Variants in UBXN11 observed in about 807,000 individuals in gnomAD.
The protein encoded by UBXN11 is UBX domain protein 11.
UBXN11 carries 47 observed loss-of-function variants against 62.8 expected under a neutral mutation model. The ratio of observed to expected loss-of-function variants is 0.75; its 90% CI spans 0.59 to 0.95. The LOEUF (loss-of-function observed/expected upper bound fraction) is 0.95. Among genes scored for constraint, UBXN11 ranks in the 40% least tolerant of loss-of-function variants. UBXN11 has a pLI of 0.00. For missense variants in UBXN11, 638 were observed against 661.7 expected (o/e 0.96, Z 0.39); for synonymous variants, 294 against 267.0 (o/e 1.10, Z -0.99).
rs199562689 is a variant in UBXN11, at chr1:26,285,837, C to T, written c.760G>A (p.Asp254Asn). ...ACCGCTCCTACCTGTGTGGAGGGAT[C>T]GTAGAAGGGCTGGAAGGGCCCGTCG... is the stretch of plus-strand genomic sequence containing the variant. ...MFDGPFQPFY[D>N]PSTQRCLRDI... Residue 254 changes from aspartate (D) to asparagine (N), a missense_variant, in exon 9 of 15, where the codon GAT becomes AAT. By Grantham distance (23) the Asp-to-Asn change is conservative. Transcript: ENST00000374222. 73 of 1,606,574 alleles carry T rather than the reference C, an allele frequency of 4.5e-5. No homozygotes were observed. The highest frequency in any genetic ancestry group is 5.5e-5 in the South Asian group (5 of 90,732).
At chr1:26,296,829 A>ATCTC in intron 7 of UBXN11, 90 bp downstream of exon 7, 2 of 1,336,004 alleles carry the variant, frequency 1.5e-6, no homozygotes, top group South Asian at 1.4e-5. Context: ...AGGCCCAGAG[A>ATCTC]GGTGGGCTCG....
intron 1 of UBXN11, among the ~76,000 whole-genome samples, chr1:26,317,616 A>T (rs1351507009): frequency 6.6e-6 from 1 of 152,176 alleles, no homozygotes; most frequent in Non-Finnish European, 1.5e-5. Context: ...GTAATCCGGC[A>T]GTTCTTTTGT....
rs71004579 is a variant in UBXN11, at chr1:26,293,752, A to AG, written c.559+452dup. On this transcript the variant is annotated intron_variant, in intron 8 of 14. Transcript: ENST00000374222. The stretch of plus-strand genomic sequence containing the variant: ...AAAAAAAAAAAAAAAAAAAAAAAAA[A>AG]GACATGGTAGGGGCCCACAGAACCA... Among the ~76,000 whole-genome samples, 403 of 148,624 alleles carry AG rather than the reference A, an allele frequency of 2.7e-3. 5 individuals carry two copies. The highest frequency in any genetic ancestry group is 5.0e-3 in the Non-Finnish European group (331 of 66,422).
At chr1:26,308,182 G>A (rs1273759658), upstream of UBXN11, among the ~76,000 whole-genome samples, 1 of 150,886 alleles carries the variant, frequency 6.6e-6, no homozygotes, top group East Asian at 1.9e-4. Context: ...CAGGAGAATC[G>A]CTTGAACCTG....
At chr1:26,289,529 G>C (rs1164731575) in intron 8 of UBXN11, among the ~76,000 whole-genome samples, 1 of 152,106 alleles carries the variant, frequency 6.6e-6, no homozygotes, top group African/African-American at 2.4e-5. Flanking sequence ...CTGGCCCAGA[G>C]TGGCTGGGCC....
intron 8 of UBXN11, among the ~76,000 whole-genome samples, chr1:26,288,430 C>T (rs1452398702): frequency 6.6e-6 from 1 of 152,046 alleles, no homozygotes; most frequent in Non-Finnish European, 1.5e-5. Context: ...GGAGATGAGA[C>T]CAGGGGCCAG....
intron 12 of UBXN11, among the ~76,000 whole-genome samples, chr1:26,283,464 C>T (rs1043731293): frequency 7.9e-5 from 12 of 152,272 alleles, no homozygotes; most frequent in Admixed American, 2.0e-4. Flanking sequence ...CAATATAGGA[C>T]GGGCCTTGAG....
chr1:26,297,164 G>A (rs1417424517), intron 6 of UBXN11, among the ~76,000 whole-genome samples, 169 bp from the exon 7 acceptor site: 1 of 152,088 alleles, frequency 6.6e-6, no homozygotes, highest in Non-Finnish European at 1.5e-5. Context: ...GCCTTGATGG[G>A]CCCTAGGAGG....
intron 3 of UBXN11, 139 bp downstream of exon 3, chr1:26,301,555 G>A (rs2073534446): frequency 8.2e-7 from 1 of 1,214,562 alleles, no homozygotes; most frequent in Non-Finnish European, 1.1e-6. Context: ...AGGACAGCAT[G>A]GGAGCTGCAC....
Position 26,283,906 on chromosome 1 carries a change from C to T in UBXN11, c.1077+236G>A, listed in dbSNP as rs535671127. ...TGGGGTGGCCTGGGCCTTGGGCTCA[C>T]CCCTGGCCTGGACTCTGACTTTAGC... On this transcript the variant is annotated intron_variant, in intron 12 of 14. Transcript: ENST00000374222. 1.2e-4 allele frequency among the ~76,000 whole-genome samples: 19 copies of T among 152,310 alleles called. No individual in the cohort carries two copies. The East Asian group carries it at 2.9e-3, about 23-fold the overall frequency.
chr1:26,314,209 T>C (rs2073769886), intron 1 of UBXN11, among the ~76,000 whole-genome samples: 1 of 152,228 alleles, frequency 6.6e-6, no homozygotes, highest in Non-Finnish European at 1.5e-5. Context: ...ATCTTTTGTA[T>C]AACTTTCTAT....
Position 26,300,986 on chromosome 1 carries a change from C to T in UBXN11, c.139G>A (p.Glu47Lys). The T allele has an allele frequency of 6.2e-7, 1 of 1,614,210 alleles. No individual in the cohort carries two copies. Among genetic ancestry groups the T allele is most frequent in the Non-Finnish European group, 8.5e-7 (1 of 1,180,024 alleles). The part of the protein sequence containing the change: ...VDMLSDGCGS[E>K]EKISVPSCYG... ...CAGGAAGGGACTGAGATCTTTTCTT[C>T]TGAGCCACACCCATCACTCAACATG... The change falls in exon 4 of 15, where the codon GAA becomes AAA. Residue 47 changes from glutamate to lysine, a missense_variant. Transcript: ENST00000374222.
At chr1:26,285,646 G>A (rs774451870) in intron 9 of UBXN11, 105 bp from the exon 10 acceptor site, 169 of 1,369,124 alleles carry the variant, frequency 1.2e-4, no homozygotes, top group African/African-American at 1.9e-4. Flanking sequence ...ACCCAGTGCC[G>A]CACTCTGGAA....
intron 8 of UBXN11, among the ~76,000 whole-genome samples, chr1:26,293,674 C>T (rs574679225): frequency 2.5e-5 from 3 of 120,662 alleles, no homozygotes; most frequent in Non-Finnish European, 4.8e-5. Context: ...TGCAATGAGC[C>T]AAATCGTGCC....
intron 3 of UBXN11, 155 bp from the exon 4 acceptor site, chr1:26,301,179 GA>G: frequency 7.1e-7 from 1 of 1,416,578 alleles, no homozygotes; most frequent in Non-Finnish European, 9.4e-7. Context: ...GATCCAACCA[GA>G]ATGGGGCTGT....
upstream of UBXN11, among the ~76,000 whole-genome samples, chr1:26,311,365 C>T (rs1019640994): frequency 1.3e-5 from 2 of 151,584 alleles, no homozygotes; most frequent in Non-Finnish European, 2.9e-5. Context: ...TGGTCTTGAA[C>T]TCCTGACCTC....
chr1:26,297,072 T>C (rs1324220348), intron 6 of UBXN11, 77 bp from the exon 7 acceptor site: 1 of 1,488,732 alleles, frequency 6.7e-7, no homozygotes, highest in Admixed American at 2.0e-5. Context: ...GAGGGTCATC[T>C]GGAGAAGCTG....
chr1:26,284,806 T>A, intron 10 of UBXN11: 1 of 1,104,482 alleles, frequency 9.1e-7, no homozygotes, highest in Non-Finnish European at 1.1e-6. Flanking sequence ...TTTTTTCCAG[T>A]CTGCAGCACA....
upstream of UBXN11, chr1:26,306,833 G>GGGGGGGGGGGGGGTT: frequency 6.2e-5 from 2 of 32,156 alleles, no homozygotes; most frequent in East Asian, 5.0e-4. Flanking sequence ...GCGGGGTGGG[G>GGGGGGGGGGGGGGTT]GGGGGGGGTG....
Sources: allele counts gnomAD v4.1 joint callset (sites outside exome capture counted in the v4.1 genomes callset), GRCh38; gene constraint gnomAD v4.1.1; transcripts MANE v1.5; gene names NCBI Gene and HGNC (gene_info 2026-07-23, HGNC 2026-07-21).